The following HMCN1 variants were observed in gnomAD, a reference collection of about 807,000 sequenced individuals.
The protein encoded by HMCN1 is hemicentin-1.
In HMCN1, 321 loss-of-function variants were observed where a neutral mutation model predicts 625.9. The observed-to-expected ratio is 0.51, with a 90% CI of 0.47 to 0.56. HMCN1 has a LOEUF of 0.56. HMCN1 is among the 20% of genes least tolerant of loss of function. HMCN1 has a pLI of 0.00. For missense variants in HMCN1, 6,588 were observed against 6,887.3 expected, an observed-to-expected ratio of 0.96 and a Z score of 1.54; for synonymous variants, 2,425 against 2,417.6, an observed-to-expected ratio of 1.00 and a Z score of -0.09.
chr1:185,975,593 C>T (rs1651147813), intron 15 of HMCN1, among the ~76,000 whole-genome samples: 1 of 152,046 alleles, frequency 6.6e-6, no homozygotes, highest in Non-Finnish European at 1.5e-5. Context: ...GACACAGATC[C>T]AAACCGTATC....
rs758491782 is a variant in HMCN1, at chr1:186,003,727, C to A, written c.4358C>A (p.Thr1453Asn). Residue 1453 changes from threonine to asparagine, a missense_variant, in exon 29 of 107, where the codon ACC becomes AAC. By Grantham distance (65) the Thr-to-Asn change is moderately conservative. This residue lies in a region of HMCN1 where 4,628 missense variants were observed against 4,853.1 expected (regional missense o/e 0.95). Transcript: ENST00000271588. ...ACTGTCTTTGTTCAAGTTCCACCCA[C>A]CATAATAGGTACCAACTTCCCAAAT... ...YFNIDVLVPP[T>N]IIGTNFPNEV... 1.5e-5 allele frequency: 24 copies of A among 1,613,114 alleles called. 1 individual carries two copies. In the Middle Eastern group the frequency reaches 4.9e-4, roughly 33 times the overall value.
intron 11 of HMCN1, among the ~76,000 whole-genome samples, chr1:185,953,167 C>T (rs1433073830): frequency 2.0e-5 from 3 of 150,926 alleles, no homozygotes; most frequent in Admixed American, 1.3e-4. Context: ...ACTTGCCCCT[C>T]CCCCCAGAAA....
chr1:185,911,145 C>T (rs897087839), intron 5 of HMCN1, among the ~76,000 whole-genome samples: 2 of 152,108 alleles, frequency 1.3e-5, no homozygotes, highest in African/African-American at 4.8e-5. Flanking sequence ...ATGCCCAGGG[C>T]TCTCATGTTA....
intron 1 of HMCN1, among the ~76,000 whole-genome samples, chr1:185,831,963 G>A (rs1571417013): frequency 6.6e-6 from 1 of 152,292 alleles, no homozygotes; most frequent in East Asian, 1.9e-4. Context: ...ATCCACAAAA[G>A]TACAGGCAGG....
At chr1:186,040,905 TA>T in intron 39 of HMCN1, 107 bp from the exon 40 acceptor site, 2 of 1,230,676 alleles carry the variant, frequency 1.6e-6, no homozygotes, top group Non-Finnish European at 2.4e-6. Flanking sequence ...AAAATCTTCC[TA>T]AAAGGCAAAT....
Position 186,087,250 on chromosome 1 carries a change from T to A in HMCN1, c.9080T>A (p.Val3027Glu), listed in dbSNP as rs1175504964. Reference sequence around the variant, plus strand: ...ACTCTACAGATTATTCGGGCCAAGGTATCAGATGGTGGTGAATACACTTGT... The same window carrying A: ...ACTCTACAGATTATTCGGGCCAAGGAATCAGATGGTGGTGAATACACTTGT... ...GRTLQIIRAK[V>E]SDGGEYTCIA... The change falls in exon 59 of 107, where the codon GTA becomes GAA. Residue 3027 changes from valine (V) to glutamate (E), a missense_variant. Val to Glu is a moderately radical substitution (Grantham distance 121). Around this residue, in one of 3 missense-constraint regions of HMCN1, gnomAD observed 4,628 missense variants for 4,853.1 expected, o/e 0.95. Coordinates refer to ENST00000271588, the MANE Select transcript of HMCN1 (RefSeq NM_031935.3). 6.2e-7 allele frequency: 1 copy of A among 1,613,170 alleles called. No individual in the cohort carries two copies. The highest frequency in any genetic ancestry group is 8.5e-7 in the Non-Finnish European group (1 of 1,179,354).
Position 185,909,425 on chromosome 1 carries a change from G to T in HMCN1, c.710G>T (p.Arg237Ile), listed in dbSNP as rs530178194. The change falls in exon 5 of 107, where the codon AGA (arginine) becomes ATA (isoleucine). Residue 237 changes from arginine (R) to isoleucine (I), a missense_variant. Arg to Ile is a moderately conservative substitution (Grantham distance 97). Coordinates refer to ENST00000271588, the MANE Select transcript of HMCN1 (RefSeq NM_031935.3). ...DHLEQAVNTW[R>I]IPFDPSLKEV... is the part of the protein sequence containing the mutation. The stretch of plus-strand genomic sequence containing the variant: ...TTGGAACAGGCTGTAAATACTTGGA[G>T]AATTCCTTTTGATCCCAGCCTGAAA... The T allele has an allele frequency of 3.1e-4, 506 of 1,613,532 alleles. 5 individuals are homozygous for T. The South Asian group carries it at 5.0e-3, about 16-fold the overall frequency.
At chr1:185,736,929 C>G (rs1246693931) in intron 1 of HMCN1, among the ~76,000 whole-genome samples, 1 of 152,114 alleles carries the variant, frequency 6.6e-6, no homozygotes. Flanking sequence ...ATTATTAATT[C>G]TGTTTACATT....
chr1:185,927,558 A>G (rs1169314248), intron 9 of HMCN1, among the ~76,000 whole-genome samples: 1 of 152,202 alleles, frequency 6.6e-6, no homozygotes, highest in Non-Finnish European at 1.5e-5. Flanking sequence ...GTTGTACCAA[A>G]TACGAGTTAA....
chr1:185,763,903 C>T (rs150203212), intron 1 of HMCN1, among the ~76,000 whole-genome samples: 150 of 152,270 alleles, frequency 9.9e-4, no homozygotes, highest in Admixed American at 8.6e-3. Flanking sequence ...AAGACAATCT[C>T]ACATCATAGG....
chr1:186,145,338 T>G (rs775483801), intron 91 of HMCN1, 65 bp from the exon 92 acceptor site: 14 of 1,454,100 alleles, frequency 9.6e-6, no homozygotes, highest in Non-Finnish European at 1.3e-5. Flanking sequence ...TTTGGATGAA[T>G]GTCATTGTTG....
intron 103 of HMCN1, among the ~76,000 whole-genome samples, chr1:186,176,318 C>G (rs917797872): frequency 7.2e-5 from 11 of 152,064 alleles, no homozygotes; most frequent in African/African-American, 2.2e-4. Context: ...TGTAGTTTTG[C>G]CAGTATTCCT....
intron 86 of HMCN1, among the ~76,000 whole-genome samples, chr1:186,133,027 A>C (rs190311875): frequency 1.6e-3 from 239 of 152,260 alleles, no homozygotes; most frequent in African/African-American, 5.5e-3. Flanking sequence ...ACGTTTTCTT[A>C]ATCCAGTCTA....
At chr1:186,051,148 A>AG (rs1558177261) in intron 42 of HMCN1, among the ~76,000 whole-genome samples, 2 of 152,084 alleles carry the variant, frequency 1.3e-5, no homozygotes, top group African/African-American at 4.8e-5. Context: ...ATATTGAAGA[A>AG]GGCCTCTTAA....
intron 1 of HMCN1, among the ~76,000 whole-genome samples, chr1:185,745,216 G>T (rs950846554): frequency 2.0e-5 from 3 of 152,090 alleles, no homozygotes; most frequent in Non-Finnish European, 4.4e-5. Context: ...AATGTCAACC[G>T]AAAGTGTAGG....
chr1:186,063,893 G>A (rs917802369), intron 48 of HMCN1, among the ~76,000 whole-genome samples: 1 of 152,104 alleles, frequency 6.6e-6, no homozygotes, highest in Non-Finnish European at 1.5e-5. Flanking sequence ...TATTTTCAAG[G>A]CTGTCTTTTT....
At chr1:185,796,372 A>T (rs1658375753) in intron 1 of HMCN1, among the ~76,000 whole-genome samples, 1 of 151,668 alleles carries the variant, frequency 6.6e-6, no homozygotes, top group African/African-American at 2.4e-5. Flanking sequence ...GGTGTTGAGG[A>T]CCCCTGGTGT....
intron 1 of HMCN1, among the ~76,000 whole-genome samples, chr1:185,757,938 G>A (rs12083564): frequency 0.24 from 36,367 of 151,982 alleles, 4,647 homozygotes; most frequent in Non-Finnish European, 0.28. Context: ...CTACTCCACT[G>A]TAGGATGCTG....
At chr1:185,949,778 C>T (rs1203644495) in intron 11 of HMCN1, among the ~76,000 whole-genome samples, 1 of 151,688 alleles carries the variant, frequency 6.6e-6, no homozygotes, top group South Asian at 2.1e-4. Flanking sequence ...TTTTAGTTAT[C>T]TGACTCGGCA....
Sources: gnomAD v4.1 joint callset for allele counts (sites outside exome capture counted in the v4.1 genomes callset) on GRCh38, gnomAD v4.1.1 for gene constraint, gnomAD v4.1.1 regional missense constraint, MANE v1.5 for transcripts, NCBI Gene and HGNC (gene_info 2026-07-23, HGNC 2026-07-21) for gene names.